PLEKHA5: variants seen among roughly 807,000 people sequenced by gnomAD.
The protein encoded by PLEKHA5 is pleckstrin homology domain-containing family A member 5.
A neutral mutation model predicts 181.9 loss-of-function variants in PLEKHA5; 55 were observed. The observed-to-expected ratio is 0.30, with a 90% CI of 0.24 to 0.38. PLEKHA5 has a LOEUF of 0.38. Ranked by LOEUF, PLEKHA5 falls within the 10% of genes least tolerant of loss-of-function variation. PLEKHA5 has a pLI of 1.00. For synonymous variants in PLEKHA5, 535 were observed against 529.4 expected, an observed-to-expected ratio of 1.01 and a Z score of -0.15; for missense variants, 1,432 against 1,549.5, an observed-to-expected ratio of 0.92 and a Z score of 1.27.
intron 2 of PLEKHA5, among the ~76,000 whole-genome samples, chr12:19,131,101 A>G (rs2033668232): frequency 6.6e-6 from 1 of 152,152 alleles, no homozygotes; most frequent in African/African-American, 2.4e-5. Flanking sequence ...TTGAAATGTA[A>G]CATGTGTTCT....
At chr12:19,347,729 A>T (rs1489285064) in intron 24 of PLEKHA5, among the ~76,000 whole-genome samples, 1 of 152,158 alleles carries the variant, frequency 6.6e-6, no homozygotes, top group Non-Finnish European at 1.5e-5. Context: ...TTTGAGAACA[A>T]CAAAATGTCT....
chr12:19,255,582 G>A (rs2066659258), intron 5 of PLEKHA5, among the ~76,000 whole-genome samples: 1 of 151,666 alleles, frequency 6.6e-6, no homozygotes, highest in African/African-American at 2.4e-5. Context: ...TATTTTAAAT[G>A]CCAGTTAAGG....
At chr12:19,229,762 G>C (rs1291120440) in intron 3 of PLEKHA5, among the ~76,000 whole-genome samples, 1 of 152,198 alleles carries the variant, frequency 6.6e-6, no homozygotes, top group Admixed American at 6.5e-5. Context: ...CCCACATCCT[G>C]CTGATTGATC....
intron 28 of PLEKHA5, among the ~76,000 whole-genome samples, chr12:19,360,957 A>G (rs1241045406): frequency 6.6e-6 from 1 of 151,996 alleles, no homozygotes; most frequent in East Asian, 2.0e-4. Context: ...GAGTTTCACC[A>G]TGTTGACCAG....
chr12:19,370,873 T>C (rs1592671202), intron 31 of PLEKHA5: 1 of 151,946 alleles, frequency 6.6e-6, no homozygotes, highest in African/African-American at 2.4e-5. Context: ...GATTTTCTTA[T>C]AGAGACAGTC....
chr12:19,305,712 T>C (rs1240328884), intron 15 of PLEKHA5, among the ~76,000 whole-genome samples: 2 of 151,372 alleles, frequency 1.3e-5, no homozygotes, highest in Non-Finnish European at 2.9e-5. Flanking sequence ...TACAAAAAAT[T>C]AACTGGGCAT....
At chr12:19,132,928 T>C (rs1430155534) in intron 3 of PLEKHA5, among the ~76,000 whole-genome samples, 2 of 149,112 alleles carry the variant, frequency 1.3e-5, no homozygotes, top group East Asian at 1.9e-4. Context: ...AACATCTTTT[T>C]TTTTTTTTTT....
chr12:19,265,013 A>T lies in PLEKHA5; in HGVS notation c.611-737A>T, dbSNP rs569330351. 8.6e-4 allele frequency among the ~76,000 whole-genome samples: 131 copies of T among 152,328 alleles called. 2 individuals are homozygous for T. The South Asian group carries it at 0.026, about 31-fold the overall frequency. On this transcript the variant is annotated intron_variant, in intron 7 of 31. Transcript: ENST00000429027. Reference sequence around the variant, plus strand: ...ATTAATGTTTATCATTTTCCTAGGTATATTTTATGTGCTTGCCTTGTAGGC... The same window carrying T: ...ATTAATGTTTATCATTTTCCTAGGTTTATTTTATGTGCTTGCCTTGTAGGC...
chr12:19,173,950 G>T (rs1167018769), intron 3 of PLEKHA5, among the ~76,000 whole-genome samples: 1 of 152,134 alleles, frequency 6.6e-6, no homozygotes, highest in African/African-American at 2.4e-5. Context: ...TGTTGCTATA[G>T]AAATGATTTT....
intron 25 of PLEKHA5, among the ~76,000 whole-genome samples, 199 bp downstream of exon 25, chr12:19,348,718 T>A (rs1305729380): frequency 6.6e-6 from 1 of 152,182 alleles, no homozygotes; most frequent in Non-Finnish European, 1.5e-5. Context: ...ATGATATATG[T>A]CATCTCAGCT....
At chr12:19,204,799 T>A (rs190629093) in intron 3 of PLEKHA5, among the ~76,000 whole-genome samples, 123 of 152,264 alleles carry the variant, frequency 8.1e-4, no homozygotes, top group Non-Finnish European at 1.4e-3. Flanking sequence ...TTTATTAATA[T>A]TTCCAAAGGA....
At chr12:19,353,357 A>G (rs1216047389) in intron 25 of PLEKHA5, among the ~76,000 whole-genome samples, 1 of 151,764 alleles carries the variant, frequency 6.6e-6, no homozygotes, top group African/African-American at 2.4e-5. Flanking sequence ...GGGTTTCACC[A>G]TGTTGGCTAA....
intron 3 of PLEKHA5, chr12:19,176,452 T>G (rs2047254099): frequency 6.6e-6 from 1 of 151,682 alleles, no homozygotes; most frequent in Non-Finnish European, 1.5e-5. Context: ...TCCCAGGAGT[T>G]CAGCATATTG....
chr12:19,162,823 T>A (rs2043285557), intron 3 of PLEKHA5, among the ~76,000 whole-genome samples: 1 of 152,108 alleles, frequency 6.6e-6, no homozygotes, highest in Non-Finnish European at 1.5e-5. Context: ...GTGGTATAAT[T>A]ATGGGCGGTG....
intron 20 of PLEKHA5, among the ~76,000 whole-genome samples, chr12:19,334,016 A>C (rs1322742876): frequency 6.6e-6 from 1 of 152,226 alleles, no homozygotes. Flanking sequence ...TTTGAAAAGT[A>C]TTAGCCCTTG....
At chr12:19,198,694 T>G (rs895173026) in intron 3 of PLEKHA5, among the ~76,000 whole-genome samples, 2 of 152,258 alleles carry the variant, frequency 1.3e-5, no homozygotes, top group Middle Eastern at 3.4e-3. Context: ...TTTTTTTAAT[T>G]ACAAATTTTT....
rs199683682 is a variant in PLEKHA5 at position 19,164,191 on chromosome 12, G to GTTTTTTT, written c.227+31746_227+31747insTTTTTTT. Among the ~76,000 whole-genome samples, 42 of 119,224 alleles carry GTTTTTTT rather than the reference G, an allele frequency of 3.5e-4. 1 individual carries two copies. Among genetic ancestry groups the GTTTTTTT allele is most frequent in the Non-Finnish European group, 4.1e-4 (25 of 60,292 alleles). The allele number at this position is 119,224 out of a possible 152,430, so 78.2% of individuals were successfully genotyped here. A position where few individuals can be genotyped will look rare whatever the true frequency, so the allele number is the denominator to read the frequency against. Reference sequence around the variant, plus strand: ...TTTCCCCACTTCTTGCTCTCCAGATGTTTTTGTTTTTTTTTTTTTTTTTTT... The same window carrying GTTTTTTT: ...TTTCCCCACTTCTTGCTCTCCAGATGTTTTTTTTTTTTGTTTTTTTTTTTTTTTTTTT... On this transcript the variant is annotated intron_variant, in intron 3 of 31. Coordinates refer to ENST00000429027, the MANE Select transcript of PLEKHA5 (RefSeq NM_001256470.2).
Position 19,322,402 on chromosome 12 carries a change from A to G in PLEKHA5, c.2298+12A>G. 6.3e-7 allele frequency: 1 copy of G among 1,597,246 alleles called. No individual in the cohort carries two copies. Among genetic ancestry groups the G allele is most frequent in the Non-Finnish European group, 8.6e-7 (1 of 1,164,840 alleles). Reference sequence around the variant, plus strand: ...TCCACAAGGAGAAAGTAGGACAATTATGTTTATTGTCTACAATTGATGTTA... The same window carrying G: ...TCCACAAGGAGAAAGTAGGACAATTGTGTTTATTGTCTACAATTGATGTTA... On this transcript the variant is annotated intron_variant, in intron 19 of 31. Transcript: ENST00000429027.
At chr12:19,278,731 A>T (rs1488081862) in intron 11 of PLEKHA5, among the ~76,000 whole-genome samples, 1 of 151,990 alleles carries the variant, frequency 6.6e-6, no homozygotes, top group East Asian at 1.9e-4. Context: ...AATAGGAAAT[A>T]CCCATGGAGG....
Sources: allele counts gnomAD v4.1 joint callset (sites outside exome capture counted in the v4.1 genomes callset), GRCh38; gene constraint gnomAD v4.1.1; transcripts MANE v1.5; gene names NCBI Gene and HGNC (gene_info 2026-07-23, HGNC 2026-07-21).